PEX2: variants seen among roughly 807,000 people sequenced by gnomAD.
PEX2 encodes the protein peroxisome biogenesis factor 2.
PEX2 carries 19 observed loss-of-function variants against 25.2 expected under a neutral mutation model. The ratio of observed to expected loss-of-function variants is 0.75; its 90% CI spans 0.53 to 1.10. The LOEUF (loss-of-function observed/expected upper bound fraction) is 1.10, where lower values mean the gene tolerates loss of function less well. PEX2 is among the 50% of genes least tolerant of loss of function. PEX2 has a pLI of 0.00. For missense variants in PEX2, 347 were observed against 350.6 expected (o/e 0.99, Z 0.08); for synonymous variants, 141 against 127.7 (o/e 1.10, Z -0.70).
chr8:76,992,834 T>C (rs774324015), intron 1 of PEX2, among the ~76,000 whole-genome samples: 3 of 152,132 alleles, frequency 2.0e-5, no homozygotes, highest in African/African-American at 4.8e-5. Flanking sequence ...TTAAAAGACA[T>C]AGGAAATCAG....
upstream of PEX2, chr8:77,000,239 G>A (rs778631774): frequency 3.3e-5 from 10 of 301,048 alleles, no homozygotes; most frequent in Admixed American, 1.0e-4. Flanking sequence ...CCGAAGAGCC[G>A]AAGGGCCGAA....
chr8:76,985,315 G>A (rs1806972452), intron 3 of PEX2, among the ~76,000 whole-genome samples: 1 of 152,110 alleles, frequency 6.6e-6, no homozygotes, highest in Non-Finnish European at 1.5e-5. Context: ...GGGAGGGTGA[G>A]AGAAATGGGA....
chr8:76,995,156 T>A (rs1807285043), intron 1 of PEX2, among the ~76,000 whole-genome samples: 1 of 152,216 alleles, frequency 6.6e-6, no homozygotes, highest in Non-Finnish European at 1.5e-5. Context: ...GCTAAGTGCC[T>A]TGTCACTACT....
At position 76,982,792 on chromosome 8, in the gene PEX2, G is replaced by C. The variant is rs978337854; in HGVS notation, c.*469C>G. 1 of 178,116 alleles carries C rather than the reference G, an allele frequency of 5.6e-6. No individual in the cohort carries two copies. The highest frequency in any genetic ancestry group is 2.4e-5 in the African/African-American group (1 of 41,360). 11.0% of individuals were successfully genotyped at this position (178,116 alleles called of 1,614,324 possible). ...CCACTGCACTCCAGCCTGGGTGACAGAGCAGGACACCGTCTCAGAAAAAAA... is the reference window on the plus strand; with the variant it reads ...CCACTGCACTCCAGCCTGGGTGACACAGCAGGACACCGTCTCAGAAAAAAA... On this transcript the variant is annotated 3_prime_UTR_variant, in exon 4 of 4. Coordinates refer to ENST00000357039, the MANE Select transcript of PEX2 (RefSeq NM_000318.3).
At chr8:76,984,245 A>T in intron 3 of PEX2, 50 bp from the exon 4 acceptor site, 1 of 1,445,258 alleles carries the variant, frequency 6.9e-7, no homozygotes, top group Non-Finnish European at 9.7e-7. Context: ...GCAATCTTGT[A>T]CAACCTCCTC....
At chr8:76,989,007 TAAA>T (rs56178165) in intron 1 of PEX2, among the ~76,000 whole-genome samples, 1 of 129,908 alleles carries the variant, frequency 7.7e-6, no homozygotes, top group Admixed American at 7.9e-5. Context: ...CTACAAAAAC[TAAA>T]AAAAAAAAAA....
At chr8:77,000,453 CAGGCGCCGCCGGGTGGCGGCGA>C (rs1807478406), upstream of PEX2, among the ~76,000 whole-genome samples, 1 of 151,914 alleles carries the variant, frequency 6.6e-6, no homozygotes, top group Non-Finnish European at 1.5e-5. Context: ...GGGCCTCTGG[CAGGCGCCGCCGGGTGGCGGCGA>C]GACGCCTCCG....
chr8:77,000,533 A>T (rs1807481326), upstream of PEX2, among the ~76,000 whole-genome samples: 1 of 152,156 alleles, frequency 6.6e-6, no homozygotes, highest in African/African-American at 2.4e-5. Flanking sequence ...CGGCTGAGGG[A>T]TGGCCTGGTG....
intron 1 of PEX2, among the ~76,000 whole-genome samples, chr8:76,991,752 T>C (rs948700881): frequency 1.3e-5 from 2 of 152,200 alleles, no homozygotes; most frequent in African/African-American, 4.8e-5. Flanking sequence ...TATGAGATCT[T>C]AAAAAACTTC....
chr8:76,988,501 T>C (rs1807068757), intron 1 of PEX2, among the ~76,000 whole-genome samples, 163 bp from the exon 2 acceptor site: 2 of 152,238 alleles, frequency 1.3e-5, no homozygotes, highest in African/African-American at 4.8e-5. Context: ...ACTTGATTGC[T>C]AAAAAATGCT....
At chr8:76,989,768 G>A (rs1807112795) in intron 1 of PEX2, among the ~76,000 whole-genome samples, 1 of 152,108 alleles carries the variant, frequency 6.6e-6, no homozygotes, top group Non-Finnish European at 1.5e-5. Flanking sequence ...CTGTCATCCA[G>A]GCTTTGTTTT....
At chr8:76,990,404 C>G (rs1451183052) in intron 1 of PEX2, among the ~76,000 whole-genome samples, 1 of 152,198 alleles carries the variant, frequency 6.6e-6, no homozygotes, top group Non-Finnish European at 1.5e-5. Context: ...TCTGCATTCA[C>G]AACTTGGCTG....
chr8:76,995,724 T>C (rs1807306168), intron 1 of PEX2, among the ~76,000 whole-genome samples: 1 of 152,240 alleles, frequency 6.6e-6, no homozygotes, highest in Non-Finnish European at 1.5e-5. Context: ...CATATTTTTT[T>C]CTTTCAGAAA....
intron 3 of PEX2, 126 bp from the exon 4 acceptor site, chr8:76,984,321 G>A: frequency 1.5e-6 from 1 of 688,762 alleles, no homozygotes; most frequent in Non-Finnish European, 2.5e-6. Flanking sequence ...CGTTTCAGTA[G>A]TCTCAAATAG....
chr8:76,983,013 C>G lies in PEX2; in HGVS notation c.*248G>C. 2.9e-6 allele frequency: 3 copies of G among 1,045,548 alleles called. No homozygotes were observed. The highest frequency in any genetic ancestry group is 3.9e-6 in the Non-Finnish European group (3 of 775,046). The allele number at this position is 1,045,548 out of a possible 1,614,324, so 64.8% of individuals were successfully genotyped here. ...ATTGTTAGTAGTCACCTGACAAAAG[C>G]TGTCCATTATTCTTGACATTAAAAA... is the stretch of plus-strand genomic sequence containing the variant. On this transcript the variant is annotated 3_prime_UTR_variant, in exon 4 of 4. Transcript: ENST00000357039.
At chr8:76,984,382 CCTTT>C (rs1302802643) in intron 3 of PEX2, among the ~76,000 whole-genome samples, 187 bp from the exon 4 acceptor site, 3 of 152,168 alleles carry the variant, frequency 2.0e-5, no homozygotes, top group Non-Finnish European at 4.4e-5. Context: ...TCTCTCAGAG[CCTTT>C]CTTTCTCCCC....
chr8:76,992,370 A>G (rs1807196971), intron 1 of PEX2, among the ~76,000 whole-genome samples: 1 of 152,194 alleles, frequency 6.6e-6, no homozygotes, highest in Non-Finnish European at 1.5e-5. Flanking sequence ...GTCCAAGACA[A>G]GCAACAAACT....
Position 76,984,043 on chromosome 8 carries a change from G to A in PEX2, c.136C>T (p.Pro46Ser). ...QFTQCFHGFK[P>S]GLLARFEPEV... The stretch of plus-strand genomic sequence containing the variant: ...GGCTCAAAGCGAGCTAACAGCCCAG[G>A]TTTAAATCCATGAAAGCACTGAGTA... The change falls in exon 4 of 4, where the codon CCT becomes TCT. Residue 46 changes from proline to serine, a missense_variant. By Grantham distance (74) the Pro-to-Ser change is moderately conservative (BLOSUM62 -1). Coordinates refer to ENST00000357039, the MANE Select transcript of PEX2 (RefSeq NM_000318.3). 6.2e-7 allele frequency: 1 copy of A among 1,613,102 alleles called. No homozygotes were observed. Among genetic ancestry groups the A allele is most frequent in the Non-Finnish European group, 8.5e-7 (1 of 1,179,400 alleles).
intron 1 of PEX2, among the ~76,000 whole-genome samples, chr8:76,994,749 G>C (rs1468266577): frequency 1.3e-5 from 2 of 152,236 alleles, no homozygotes; most frequent in African/African-American, 4.8e-5. Flanking sequence ...GAATGAAAAT[G>C]TCACTGCCAC....
Sources: allele counts gnomAD v4.1 joint callset (sites outside exome capture counted in the v4.1 genomes callset), GRCh38; gene constraint gnomAD v4.1.1; transcripts MANE v1.5; gene names NCBI Gene and HGNC (gene_info 2026-07-23, HGNC 2026-07-21).